The following AQP8 variants were observed in gnomAD, a reference collection of about 807,000 sequenced individuals.
The protein encoded by AQP8 is aquaporin-8.
Under a neutral mutation model 26.1 loss-of-function variants are expected in AQP8, and 14 were observed. That is an observed-to-expected ratio of 0.54 (90% CI 0.35 to 0.84). AQP8 has a LOEUF of 0.84. Ranked by LOEUF, AQP8 falls within the 40% of genes least tolerant of loss-of-function variation. The pLI is 0.01. For missense variants in AQP8, 301 were observed against 340.5 expected (o/e 0.88, Z 0.91); for synonymous variants, 131 against 150.7 (o/e 0.87, Z 0.96).
chr16:25,219,806 G>A (rs1320381881), intron 2 of AQP8, among the ~76,000 whole-genome samples: 1 of 151,386 alleles, frequency 6.6e-6, no homozygotes, highest in East Asian at 1.9e-4. Context: ...GGAGGCCGAG[G>A]CAGGTGAATC....
intron 5 of AQP8, among the ~76,000 whole-genome samples, chr16:25,228,027 A>T (rs1962658075): frequency 6.8e-6 from 1 of 147,396 alleles, no homozygotes; most frequent in African/African-American, 2.5e-5. Flanking sequence ...GCAGTTTGGG[A>T]GGCCAAGGTG....
At chr16:25,223,994 T>G (rs1778460948) in intron 3 of AQP8, among the ~76,000 whole-genome samples, 1 of 152,092 alleles carries the variant, frequency 6.6e-6, no homozygotes. Flanking sequence ...ACCCCGCTAA[T>G]TTTTGTATTT....
chr16:25,227,938 G>A (rs930316215), intron 5 of AQP8, among the ~76,000 whole-genome samples: 4 of 151,832 alleles, frequency 2.6e-5, no homozygotes, highest in Non-Finnish European at 5.9e-5. Flanking sequence ...GGCTTTCAGA[G>A]TGGCAGCAAT....
intron 3 of AQP8, among the ~76,000 whole-genome samples, chr16:25,222,843 A>G (rs1177240526): frequency 6.6e-6 from 1 of 152,068 alleles, no homozygotes; most frequent in Non-Finnish European, 1.5e-5. Flanking sequence ...TCCCCTGTCT[A>G]TGGAACACGC....
chr16:25,228,004 G>A (rs1008689896), intron 5 of AQP8, among the ~76,000 whole-genome samples: 1 of 150,978 alleles, frequency 6.6e-6, no homozygotes, highest in East Asian at 2.0e-4. Context: ...TGTGGTTCAC[G>A]CCTGTAATCC....
intron 5 of AQP8, among the ~76,000 whole-genome samples, chr16:25,227,490 G>T (rs1157548480): frequency 4.6e-5 from 7 of 152,050 alleles, no homozygotes; most frequent in Non-Finnish European, 1.0e-4. Flanking sequence ...TTAGGACTTG[G>T]TCTTTCTCCT....
chr16:25,225,039 G>A (rs1241420770), intron 4 of AQP8, among the ~76,000 whole-genome samples: 2 of 152,176 alleles, frequency 1.3e-5, no homozygotes, highest in South Asian at 2.1e-4. Context: ...GATGTCTCCC[G>A]TTTTATAGAT....
chr16:25,223,091 G>A (rs1962585230), intron 3 of AQP8, among the ~76,000 whole-genome samples: 5 of 152,254 alleles, frequency 3.3e-5, no homozygotes, highest in Admixed American at 2.0e-4. Context: ...CACACCAACG[G>A]CCTTGTCTGT....
intron 3 of AQP8, among the ~76,000 whole-genome samples, chr16:25,222,642 A>G (rs770069536): frequency 1.3e-5 from 2 of 150,334 alleles, no homozygotes; most frequent in Non-Finnish European, 2.9e-5. Context: ...GGATACTTCA[A>G]GCCCTTCAAG....
chr16:25,221,954 G>A (rs918678146), intron 3 of AQP8, among the ~76,000 whole-genome samples: 3 of 152,078 alleles, frequency 2.0e-5, no homozygotes, highest in African/African-American at 7.2e-5. Context: ...TTTTAGTAGA[G>A]ACGGGGTTTC....
intron 2 of AQP8, among the ~76,000 whole-genome samples, chr16:25,218,069 C>T (rs754968743): frequency 1.9e-4 from 29 of 152,168 alleles, no homozygotes; most frequent in Non-Finnish European, 2.8e-4. Flanking sequence ...GCTTAGAGGG[C>T]CAGAAAGTGG....
chr16:25,221,202 C>T (rs1962557927), intron 2 of AQP8, among the ~76,000 whole-genome samples: 1 of 152,020 alleles, frequency 6.6e-6, no homozygotes, highest in Non-Finnish European at 1.5e-5. Context: ...GGATGGTCTC[C>T]CTACACGCTC....
chr16:25,217,433 T>G lies in AQP8; in HGVS notation c.248T>G (p.Leu83Arg). 1 of 1,614,060 alleles carries G rather than the reference T, an allele frequency of 6.2e-7. No individual in the cohort carries two copies. Among genetic ancestry groups the G allele is most frequent in the Non-Finnish European group, 8.5e-7 (1 of 1,180,002 alleles). Residue 83 changes from leucine to arginine, a missense_variant, in exon 2 of 6, where the codon CTG becomes CGG. Coordinates refer to ENST00000219660, the MANE Select transcript of AQP8 (RefSeq NM_001169.3). ...GCTTTGGGGCTCGTGATTGCCACGC[T>G]GGGGAATATCAGGTGAGACCAGCTC... ...GLALGLVIATLGNISGGHFNP... is the reference protein window; with the variant it reads ...GLALGLVIATRGNISGGHFNP...
rs150759905 is a variant in AQP8 at position 25,222,496 on chromosome 16, C to T, written c.387+913C>T. The stretch of plus-strand genomic sequence containing the variant: ...TGCTGGGATTACAGACATGAGCCAC[C>T]GAGCCTGGCCAGCCACAGAGTTTTC... On this transcript the variant is annotated intron_variant, in intron 3 of 5. Transcript: ENST00000219660. Among the ~76,000 whole-genome samples, 55 of 152,238 alleles carry T rather than the reference C, an allele frequency of 3.6e-4. No individual in the cohort carries two copies. The East Asian group carries it at 0.01, about 28-fold the overall frequency.
chr16:25,228,782 C>CTCTCAACATT lies in AQP8; in HGVS notation c.*290_*291insTCTCAACATT. 1 of 304,558 alleles carries CTCTCAACATT rather than the reference C, an allele frequency of 3.3e-6. No homozygotes were observed. Among genetic ancestry groups the CTCTCAACATT allele is most frequent in the South Asian group, 7.8e-5 (1 of 12,886 alleles). The allele number at this position is 304,558 out of a possible 1,614,324, so 18.9% of individuals were successfully genotyped here. A position where few individuals can be genotyped will look rare whatever the true frequency, so the allele number is the denominator to read the frequency against. On this transcript the variant is annotated 3_prime_UTR_variant, in exon 6 of 6. Coordinates refer to ENST00000219660, the MANE Select transcript of AQP8 (RefSeq NM_001169.3). Reference sequence around the variant, plus strand: ...GAGCGTGTTTCTTGAGAGGAATGTCCCCGAGTTGGACAAGGAGGCTGTTTC... The same window carrying CTCTCAACATT: ...GAGCGTGTTTCTTGAGAGGAATGTCCTCTCAACATTCCGAGTTGGACAAGGAGGCTGTTTC...
intron 2 of AQP8, 58 bp downstream of exon 2, chr16:25,217,503 G>A: frequency 6.3e-7 from 1 of 1,590,956 alleles, no homozygotes; most frequent in East Asian, 2.2e-5. Context: ...GGTGTGGAAA[G>A]CAAAGGCGTT....
intron 4 of AQP8, among the ~76,000 whole-genome samples, chr16:25,225,714 C>A (rs1488353676): frequency 6.6e-6 from 1 of 152,050 alleles, no homozygotes; most frequent in Non-Finnish European, 1.5e-5. Flanking sequence ...CGCCTACTTA[C>A]AAGCTTTTTG....
chr16:25,221,506 G>T lies in AQP8; in HGVS notation c.310G>T (p.Gly104Cys), dbSNP rs1337431198. 3 of 1,613,964 alleles carry T rather than the reference G, an allele frequency of 1.9e-6. No homozygotes were observed. The highest frequency in any genetic ancestry group is 2.5e-6 in the Non-Finnish European group (3 of 1,180,014). ...AVSLAAMLIGGLNLVMLLPYW... is the reference protein window; with the variant it reads ...AVSLAAMLIGCLNLVMLLPYW... ...GTCCCTGGCAGCCATGCTGATCGGA[G>T]GCCTCAACCTGGTGATGCTCCTCCC... Residue 104 changes from glycine (G) to cysteine (C), a missense_variant, in exon 3 of 6, where the codon GGC becomes TGC. Transcript: ENST00000219660.
intron 4 of AQP8, among the ~76,000 whole-genome samples, chr16:25,226,229 C>G (rs1490654233): frequency 1.3e-5 from 2 of 151,880 alleles, no homozygotes; most frequent in Admixed American, 6.6e-5. Context: ...CACAAACAAT[C>G]CACTTATACT....
Sources: allele counts gnomAD v4.1 joint callset (sites outside exome capture counted in the v4.1 genomes callset), GRCh38; gene constraint gnomAD v4.1.1; transcripts MANE v1.5; gene names NCBI Gene and HGNC (gene_info 2026-07-23, HGNC 2026-07-21).